Variants in SDK1 observed in about 807,000 individuals in gnomAD.
SDK1 encodes the protein sidekick cell adhesion molecule 1.
A neutral mutation model predicts 245.5 loss-of-function variants in SDK1; 157 were observed. The observed-to-expected ratio is 0.64, with a 90% confidence interval of 0.56 to 0.73. The LOEUF is 0.73. Ranked by LOEUF, SDK1 falls within the 30% of genes least tolerant of loss-of-function variation. The pLI is 0.00. For missense variants in SDK1, 3,583 were observed against 3,002.3 expected (o/e 1.19, Z -4.52); for synonymous variants, 1,647 against 1,278.5 (o/e 1.29, Z -6.15).
chr7:3,491,817 T>C (rs1781871786), intron 1 of SDK1, among the ~76,000 whole-genome samples: 2 of 152,356 alleles, frequency 1.3e-5, no homozygotes, highest in African/African-American at 2.4e-5. Flanking sequence ...CCAACGATTA[T>C]GTAATCAAAG....
At chr7:3,636,089 T>C (rs559509819) in intron 2 of SDK1, among the ~76,000 whole-genome samples, 82 of 152,344 alleles carry the variant, frequency 5.4e-4, no homozygotes, top group African/African-American at 1.9e-3. Flanking sequence ...GCTGTACATA[T>C]CTAATGTATA....
chr7:3,927,973 G>C (rs1357710423), intron 5 of SDK1, among the ~76,000 whole-genome samples: 2 of 152,158 alleles, frequency 1.3e-5, no homozygotes, highest in Admixed American at 6.5e-5. Context: ...GCTCAGTAGA[G>C]GAATGTTTAG....
intron 8 of SDK1, among the ~76,000 whole-genome samples, chr7:3,960,372 G>T (rs1017137701): frequency 1.3e-5 from 2 of 152,246 alleles, no homozygotes; most frequent in African/African-American, 4.8e-5. Flanking sequence ...GCAGCCACCT[G>T]GCTCTTGCCA....
intron 1 of SDK1, among the ~76,000 whole-genome samples, chr7:3,572,655 T>C (rs1780153365): frequency 6.6e-6 from 1 of 152,050 alleles, no homozygotes; most frequent in Non-Finnish European, 1.5e-5. Flanking sequence ...TAGGCAACTA[T>C]TCAGTCATCT....
In SDK1 at chr7:4,259,028, C is replaced by G. The variant is rs192784445; in HGVS notation, c.6382-6096C>G. ...TAACAAACCCAATTCAGGGGCTAAT[C>G]ATGGAGATTCCTTTGGCTTCCTTCA... On this transcript the variant is annotated intron_variant, in intron 44 of 44. Transcript: ENST00000404826. Among the ~76,000 whole-genome samples the G allele has an allele frequency of 1.9e-3, 282 of 152,346 alleles. 2 individuals carry two copies. Among genetic ancestry groups the G allele is most frequent in the Non-Finnish European group, 2.4e-3 (160 of 68,034 alleles).
At chr7:3,474,439 G>C (rs563071136) in intron 1 of SDK1, among the ~76,000 whole-genome samples, 82 of 151,966 alleles carry the variant, frequency 5.4e-4, no homozygotes, top group African/African-American at 1.9e-3. Flanking sequence ...CTCCTGTCCA[G>C]TACCAACCCC....
chr7:4,075,460 C>T (rs531586897), intron 20 of SDK1, among the ~76,000 whole-genome samples: 16 of 152,294 alleles, frequency 1.1e-4, no homozygotes, highest in Admixed American at 3.9e-4. Context: ...CGTCCTAGCG[C>T]TTCTATATCC....
At chr7:4,103,913 C>T (rs1030199053) in intron 22 of SDK1, among the ~76,000 whole-genome samples, 5 of 152,244 alleles carry the variant, frequency 3.3e-5, no homozygotes, top group Admixed American at 2.0e-4. Flanking sequence ...GTTCCAGCTC[C>T]GCAGTTCGGC....
At chr7:3,704,199 A>C (rs553341511) in intron 4 of SDK1, among the ~76,000 whole-genome samples, 6 of 152,220 alleles carry the variant, frequency 3.9e-5, no homozygotes, top group African/African-American at 1.2e-4. Context: ...GCTCCATTCA[A>C]GTTTCCGCCA....
At chr7:3,614,847 T>C (rs1447738114) in intron 1 of SDK1, among the ~76,000 whole-genome samples, 1 of 151,946 alleles carries the variant, frequency 6.6e-6, no homozygotes, top group East Asian at 1.9e-4. Flanking sequence ...GTGCTAACCA[T>C]AATTTTACGG....
intron 31 of SDK1, among the ~76,000 whole-genome samples, chr7:4,160,169 AC>A (rs1781021765): frequency 6.6e-6 from 1 of 152,236 alleles, no homozygotes; most frequent in South Asian, 2.1e-4. Context: ...AAATTACAAA[AC>A]AAAAACTATA....
At chr7:4,108,444 A>C (rs886855097) in intron 22 of SDK1, among the ~76,000 whole-genome samples, 2 of 150,572 alleles carry the variant, frequency 1.3e-5, no homozygotes, top group South Asian at 4.2e-4. Context: ...TGAGGATATG[A>C]GGGTTTTGAT....
chr7:4,084,675 CGTTATGTTATGTTATGTTAT>C (rs60696477), intron 22 of SDK1, among the ~76,000 whole-genome samples: 85 of 119,792 alleles, frequency 7.1e-4, no homozygotes, highest in Non-Finnish European at 1.3e-3. Flanking sequence ...TGTTATGTTA[CGTTATGTTATGTTATGTTAT>C]GTTATGTTAT....
At chr7:3,397,959 G>C (rs1447179667) in intron 1 of SDK1, among the ~76,000 whole-genome samples, 1 of 151,996 alleles carries the variant, frequency 6.6e-6, no homozygotes, top group Non-Finnish European at 1.5e-5. Flanking sequence ...GTGTTTTCTT[G>C]CCTTTCAGCA....
rs573707176 is a variant in SDK1, at chr7:3,596,774, A to T, written c.299-22306A>T. ...GAGCGAAGACTAATTCTGGAATCAGAAGCCCCCAGGCTAGCCTAAGTTCAG... is the reference window on the plus strand; with the variant it reads ...GAGCGAAGACTAATTCTGGAATCAGTAGCCCCCAGGCTAGCCTAAGTTCAG... On this transcript the variant is annotated intron_variant, in intron 1 of 44. Transcript: ENST00000404826. 5.9e-5 allele frequency among the ~76,000 whole-genome samples: 9 copies of T among 152,350 alleles called. No homozygotes were observed. In the East Asian group the frequency reaches 1.7e-3, roughly 29 times the overall value.
chr7:3,817,005 A>T (rs751226387), intron 4 of SDK1, among the ~76,000 whole-genome samples: 9 of 152,210 alleles, frequency 5.9e-5, no homozygotes, highest in Non-Finnish European at 1.2e-4. Flanking sequence ...TTATGCTTCT[A>T]TGTTTAATGG....
At chr7:3,990,434 C>T (rs1345995797) in intron 14 of SDK1, among the ~76,000 whole-genome samples, 1 of 152,274 alleles carries the variant, frequency 6.6e-6, no homozygotes, top group African/African-American at 2.4e-5. Flanking sequence ...TTCAACGGCT[C>T]TGACCGAACG....
chr7:3,805,247 T>G (rs1779212789), intron 4 of SDK1, among the ~76,000 whole-genome samples: 2 of 152,234 alleles, frequency 1.3e-5, no homozygotes, highest in African/African-American at 2.4e-5. Context: ...TGAACTTATT[T>G]ATTACTTCAG....
intron 1 of SDK1, among the ~76,000 whole-genome samples, chr7:3,429,493 T>C (rs1779770286): frequency 6.6e-6 from 1 of 152,096 alleles, no homozygotes; most frequent in Non-Finnish European, 1.5e-5. Context: ...GGGGAGTGCA[T>C]CTCTCATTTT....
Sources: allele counts gnomAD v4.1 joint callset (sites outside exome capture counted in the v4.1 genomes callset), GRCh38; gene constraint gnomAD v4.1.1; transcripts MANE v1.5; gene names NCBI Gene and HGNC (gene_info 2026-07-23, HGNC 2026-07-21).